Variants in MYO3B observed in about 807,000 individuals in gnomAD.
The protein encoded by MYO3B is myosin-IIIb.
Under a neutral mutation model 174.6 loss-of-function variants are expected in MYO3B, and 156 were observed. That is an observed-to-expected ratio of 0.89 (90% CI 0.78 to 1.02). The LOEUF (loss-of-function observed/expected upper bound fraction) is 1.02. Among genes scored for constraint, MYO3B ranks in the 50% least tolerant of loss-of-function variants. The probability of loss-of-function intolerance (pLI) is 0.00; values close to 1 mark genes in which losing one functional copy is unlikely to be tolerated. For synonymous variants in MYO3B, 563 were observed against 569.1 expected (o/e 0.99, Z 0.15); for missense variants, 1,632 against 1,639.4 (o/e 1.00, Z 0.08).
chr2:170,263,489 G>A (rs1197399862), intron 7 of MYO3B, among the ~76,000 whole-genome samples: 1 of 152,134 alleles, frequency 6.6e-6, no homozygotes, highest in Admixed American at 6.5e-5. Context: ...ATCTCGGAGA[G>A]GGGGATGTGG....
chr2:170,513,598 G>A lies in MYO3B; in HGVS notation c.3371-1323G>A, dbSNP rs565724167. On this transcript the variant is annotated intron_variant, in intron 28 of 34. Transcript: ENST00000408978. The stretch of plus-strand genomic sequence containing the variant: ...TTTCCAACTAAAGTCACATTCTGAG[G>A]TTCTGAATGGACATGAATTTTGGGA... Among the ~76,000 whole-genome samples the A allele has an allele frequency of 3.4e-4, 52 of 152,278 alleles. No individual in the cohort carries two copies. In the Middle Eastern group the frequency reaches 0.014, roughly 40 times the overall value.
In MYO3B at chr2:170,535,431, A is replaced by T. The variant is rs112240673; in HGVS notation, c.3576-7475A>T. On this transcript the variant is annotated intron_variant, in intron 30 of 34. Coordinates refer to ENST00000408978, the MANE Select transcript of MYO3B (RefSeq NM_138995.5). ...GTCAGGCCAGGGTTTATACCTCCAGATATCATTGGGCTTCATTTAATCTGC... is the reference window on the plus strand; with the variant it reads ...GTCAGGCCAGGGTTTATACCTCCAGTTATCATTGGGCTTCATTTAATCTGC... Among the ~76,000 whole-genome samples, 124 of 152,314 alleles carry T rather than the reference A, an allele frequency of 8.1e-4. 1 individual carries two copies. Among genetic ancestry groups the T allele is most frequent in the African/African-American group, 2.7e-3 (113 of 41,578 alleles).
chr2:170,627,734 G>A (rs543955778), intron 32 of MYO3B, among the ~76,000 whole-genome samples: 194 of 151,418 alleles, frequency 1.3e-3, no homozygotes, highest in African/African-American at 4.5e-3. Context: ...TTTTGGTGTG[G>A]ATGTCCTTTC....
intron 9 of MYO3B, among the ~76,000 whole-genome samples, chr2:170,373,839 A>AG (rs1417309798): frequency 6.6e-6 from 1 of 152,102 alleles, no homozygotes; most frequent in African/African-American, 2.4e-5. Flanking sequence ...AAAAAAAAAA[A>AG]AAAAACTTAG....
chr2:170,410,694 C>T (rs1328452676), intron 22 of MYO3B, among the ~76,000 whole-genome samples: 2 of 149,920 alleles, frequency 1.3e-5, no homozygotes, highest in African/African-American at 4.9e-5. Context: ...GAGGAGAAGA[C>T]GTTTGTTAGG....
intron 32 of MYO3B, among the ~76,000 whole-genome samples, chr2:170,637,384 G>T (rs1473073787): frequency 6.6e-6 from 1 of 151,994 alleles, no homozygotes; most frequent in Non-Finnish European, 1.5e-5. Flanking sequence ...TGTTGGACAG[G>T]CTGGTCTTAA....
intron 8 of MYO3B, chr2:170,350,596 T>C (rs1327202837): frequency 6.6e-6 from 1 of 152,102 alleles, no homozygotes; most frequent in Non-Finnish European, 1.5e-5. Flanking sequence ...TGGGTAAAAA[T>C]CGAGATGTGG....
At chr2:170,356,405 C>T (rs1420999666) in intron 8 of MYO3B, among the ~76,000 whole-genome samples, 3 of 151,796 alleles carry the variant, frequency 2.0e-5, no homozygotes, top group Admixed American at 6.6e-5. Context: ...TCTTTTTGCC[C>T]AGCCTGGAGT....
chr2:170,624,745 T>C (rs1020115612), intron 32 of MYO3B, among the ~76,000 whole-genome samples: 2 of 152,252 alleles, frequency 1.3e-5, no homozygotes, highest in Non-Finnish European at 2.9e-5. Context: ...ATCTCATCAA[T>C]ACCTAATTTA....
chr2:170,411,385 C>G (rs1174635328), intron 22 of MYO3B, among the ~76,000 whole-genome samples: 2 of 152,176 alleles, frequency 1.3e-5, no homozygotes, highest in Admixed American at 6.5e-5. Flanking sequence ...TTGTAGTCTA[C>G]TGTTCTCGGG....
chr2:170,250,566 G>A (rs73027162), intron 7 of MYO3B, among the ~76,000 whole-genome samples: 4 of 152,190 alleles, frequency 2.6e-5, no homozygotes, highest in African/African-American at 9.7e-5. Context: ...GTTACAGTGC[G>A]TTCCTTTAGG....
intron 32 of MYO3B, among the ~76,000 whole-genome samples, chr2:170,623,147 C>G (rs1053136084): frequency 6.6e-6 from 1 of 152,234 alleles, no homozygotes; most frequent in Non-Finnish European, 1.5e-5. Context: ...GGAATCGCCA[C>G]ACTGTCTTCC....
intron 23 of MYO3B, among the ~76,000 whole-genome samples, chr2:170,450,259 G>C (rs1188024709): frequency 7.2e-5 from 11 of 152,106 alleles, no homozygotes; most frequent in African/African-American, 2.7e-4. Context: ...TTTTATATAA[G>C]AAAGCAAATA....
rs760755712 is a variant in MYO3B, at chr2:170,512,592, C to G, written c.3371-2329C>G. Among the ~76,000 whole-genome samples the G allele has an allele frequency of 9.8e-4, 149 of 152,236 alleles. 3 individuals are homozygous for G. The highest frequency in any genetic ancestry group is 3.7e-3 in the Admixed American group (56 of 15,282). ...TGTCTCTGCTGAAACAATGCCTGAT[C>G]TGTCCTTTGGGTGGGTCACTAAATG... On this transcript the variant is annotated intron_variant, in intron 28 of 34. Coordinates refer to ENST00000408978, the MANE Select transcript of MYO3B (RefSeq NM_138995.5).
intron 32 of MYO3B, among the ~76,000 whole-genome samples, chr2:170,553,970 G>T (rs1422039446): frequency 6.6e-6 from 1 of 152,100 alleles, no homozygotes; most frequent in East Asian, 1.9e-4. Flanking sequence ...CCTTCTGCCA[G>T]AACTGTAAGT....
At chr2:170,580,466 C>A (rs1484562218) in intron 32 of MYO3B, among the ~76,000 whole-genome samples, 5 of 152,066 alleles carry the variant, frequency 3.3e-5, no homozygotes, top group African/African-American at 1.2e-4. Flanking sequence ...GGCAAAACCC[C>A]GTCTCTACTA....
rs1446113899 is a variant in MYO3B at position 170,633,837 on chromosome 2, G to A, written c.3734-17791G>A. ...TACACCAGTAACAGACAAACAGAGA[G>A]CCAAATCATGAGTGAACTCCCATTC... On this transcript the variant is annotated intron_variant, in intron 32 of 34. Coordinates refer to ENST00000408978, the MANE Select transcript of MYO3B (RefSeq NM_138995.5). Among the ~76,000 whole-genome samples the A allele has an allele frequency of 2.6e-5, 4 of 152,272 alleles. No homozygotes were observed. In the East Asian group the frequency reaches 5.8e-4, roughly 22 times the overall value.
intron 17 of MYO3B, among the ~76,000 whole-genome samples, chr2:170,400,861 C>T (rs150692615): frequency 0.048 from 7,208 of 150,662 alleles, 258 homozygotes; most frequent in South Asian, 0.12. Context: ...GGCGGAGTCT[C>T]GCTCTGTCTC....
chr2:170,214,388 G>A lies in MYO3B; in HGVS notation c.331G>A (p.Gly111Arg). 2 of 1,613,926 alleles carry A rather than the reference G, an allele frequency of 1.2e-6. No homozygotes were observed. Among genetic ancestry groups the A allele is most frequent in the Non-Finnish European group, 1.7e-6 (2 of 1,179,872 alleles). ...QLWLVLELCN[G>R]GSVTELVKGL... is the part of the protein sequence containing the mutation. The stretch of plus-strand genomic sequence containing the variant: ...GCACCTCTTCTTGCAGCTGTGTAAT[G>A]GGGGCTCAGTCACTGAGCTTGTCAA... The change falls in exon 4 of 35, where the codon GGG (glycine) becomes AGG (arginine). Residue 111 changes from glycine to arginine, a missense_variant. Coordinates refer to ENST00000408978, the MANE Select transcript of MYO3B (RefSeq NM_138995.5).
Sources: allele counts gnomAD v4.1 joint callset (sites outside exome capture counted in the v4.1 genomes callset), GRCh38; gene constraint gnomAD v4.1.1; transcripts MANE v1.5; gene names NCBI Gene and HGNC (gene_info 2026-07-23, HGNC 2026-07-21).